Variants in ZFPM2 observed in about 807,000 individuals in gnomAD.
The protein encoded by ZFPM2 is zinc finger protein ZFPM2.
ZFPM2 carries 20 observed loss-of-function variants against 98.6 expected under a neutral mutation model. The observed-to-expected ratio is 0.20, with a 90% CI of 0.14 to 0.29. The LOEUF (loss-of-function observed/expected upper bound fraction) is 0.29. Among genes scored for constraint, ZFPM2 ranks in the 10% least tolerant of loss-of-function variants. ZFPM2 has a pLI of 1.00. For missense variants in ZFPM2, 1,310 were observed against 1,388.6 expected, an observed-to-expected ratio of 0.94 and a Z score of 0.90; for synonymous variants, 518 against 502.7, an observed-to-expected ratio of 1.03 and a Z score of -0.41.
chr8:105,458,163 A>G (rs1188439493), intron 3 of ZFPM2, among the ~76,000 whole-genome samples: 1 of 152,196 alleles, frequency 6.6e-6, no homozygotes, highest in Non-Finnish European at 1.5e-5. Context: ...TTTTGACAAA[A>G]TTCCCATAGG....
chr8:105,418,940 A>G (rs1811737683), intron 1 of ZFPM2: 2 of 609,092 alleles, frequency 3.3e-6, no homozygotes, highest in Non-Finnish European at 5.8e-6. Context: ...AACTTCTGAC[A>G]CTGGTTTCCT....
intron 1 of ZFPM2, among the ~76,000 whole-genome samples, chr8:105,331,100 T>A (rs2129635730): frequency 6.6e-6 from 1 of 150,794 alleles, no homozygotes; most frequent in Admixed American, 6.6e-5. Flanking sequence ...TTTTTTTGTT[T>A]GTTGTTTCTT....
intron 1 of ZFPM2, among the ~76,000 whole-genome samples, chr8:105,331,149 ATT>A (rs1812225379): frequency 7.3e-6 from 1 of 137,616 alleles, no homozygotes. Context: ...TATATATTAT[ATT>A]TTATATATAT....
chr8:105,648,589 C>T (rs368781685), intron 5 of ZFPM2, among the ~76,000 whole-genome samples: 1 of 152,056 alleles, frequency 6.6e-6, no homozygotes, highest in Non-Finnish European at 1.5e-5. Flanking sequence ...TTCAGCTTTC[C>T]ACATATGGCT....
chr8:105,692,645 T>G (rs1385282325), intron 5 of ZFPM2, among the ~76,000 whole-genome samples: 1 of 152,222 alleles, frequency 6.6e-6, no homozygotes, highest in Admixed American at 6.5e-5. Flanking sequence ...GAATTGGCAT[T>G]TGCCTTAGAA....
chr8:105,671,751 A>G (rs1294934327), intron 5 of ZFPM2, among the ~76,000 whole-genome samples: 1 of 152,068 alleles, frequency 6.6e-6, no homozygotes, highest in Non-Finnish European at 1.5e-5. Context: ...TTAGTTGCCA[A>G]GACTTTTGGG....
intron 1 of ZFPM2, among the ~76,000 whole-genome samples, chr8:105,389,541 C>T (rs1045158656): frequency 1.1e-4 from 17 of 152,138 alleles, no homozygotes; most frequent in African/African-American, 3.9e-4. Flanking sequence ...TTCAAAATAA[C>T]ATTCTACTAC....
At chr8:105,618,527 G>T (rs1272708820) in intron 4 of ZFPM2, among the ~76,000 whole-genome samples, 1 of 152,062 alleles carries the variant, frequency 6.6e-6, no homozygotes, top group African/African-American at 2.4e-5. Context: ...TTTCTAGCCA[G>T]CCAAAGTTCT....
chr8:105,596,003 G>GA (rs34732263), intron 4 of ZFPM2, among the ~76,000 whole-genome samples: 16,480 of 131,730 alleles, frequency 0.13, 973 homozygotes, highest in South Asian at 0.14. Context: ...CCTTTTATCT[G>GA]AAAAAAAAAA....
At chr8:105,483,009 T>G (rs1426659943) in intron 3 of ZFPM2, among the ~76,000 whole-genome samples, 1 of 125,994 alleles carries the variant, frequency 7.9e-6, no homozygotes, top group Non-Finnish European at 1.6e-5. Context: ...CTTCCTTCCT[T>G]CCTTCCTTCC....
At chr8:105,713,944 C>T (rs1307457407) in intron 5 of ZFPM2, among the ~76,000 whole-genome samples, 1 of 151,866 alleles carries the variant, frequency 6.6e-6, no homozygotes, top group East Asian at 1.9e-4. Context: ...ACTTGGGCTC[C>T]TTTTTGTTTC....
chr8:105,360,922 C>T (rs150957507), intron 1 of ZFPM2, among the ~76,000 whole-genome samples: 16,280 of 143,174 alleles, frequency 0.11, 987 homozygotes, highest in Non-Finnish European at 0.15. Context: ...TGAATAGTGC[C>T]GCAGTAAACA....
chr8:105,462,673 T>G (rs184811439), intron 3 of ZFPM2, among the ~76,000 whole-genome samples: 3 of 152,124 alleles, frequency 2.0e-5, no homozygotes, highest in Non-Finnish European at 4.4e-5. Context: ...TGCCTGACAC[T>G]AAGTGTTGTG....
intron 5 of ZFPM2, among the ~76,000 whole-genome samples, chr8:105,720,420 TATTA>T (rs1811632604): frequency 6.6e-6 from 1 of 151,918 alleles, no homozygotes; most frequent in Admixed American, 6.6e-5. Context: ...TTTCAGTCAT[TATTA>T]ATTCTTAGTG....
chr8:105,450,660 A>G (rs1002453358), intron 3 of ZFPM2, among the ~76,000 whole-genome samples: 1 of 151,938 alleles, frequency 6.6e-6, no homozygotes, highest in Non-Finnish European at 1.5e-5. Context: ...TTTTATCTCA[A>G]TGCTTTGTGT....
chr8:105,795,484 G>T (rs1813771241), intron 6 of ZFPM2, among the ~76,000 whole-genome samples: 1 of 151,252 alleles, frequency 6.6e-6, no homozygotes, highest in South Asian at 2.1e-4. Flanking sequence ...TTCTTTAAGG[G>T]CCGTAGACTT....
intron 2 of ZFPM2, among the ~76,000 whole-genome samples, chr8:105,426,196 A>G (rs896169765): frequency 7.2e-5 from 11 of 152,198 alleles, no homozygotes; most frequent in African/African-American, 2.4e-4. Context: ...CGGGATTAAG[A>G]AGCTCAGCTC....
At chr8:105,671,174 A>G (rs1431237336) in intron 5 of ZFPM2, among the ~76,000 whole-genome samples, 5 of 151,998 alleles carry the variant, frequency 3.3e-5, no homozygotes, top group Non-Finnish European at 7.4e-5. Context: ...ATATTTTGCC[A>G]TACAATATTG....
At chr8:105,727,971 A>T (rs80057605) in intron 5 of ZFPM2, among the ~76,000 whole-genome samples, 12,884 of 151,374 alleles carry the variant, frequency 0.085, 766 homozygotes, top group African/African-American at 0.16. Flanking sequence ...AAAAAAACAA[A>T]ATCAAACAGC....
Sources: allele counts gnomAD v4.1 joint callset (sites outside exome capture counted in the v4.1 genomes callset), GRCh38; gene constraint gnomAD v4.1.1; transcripts MANE v1.5; gene names NCBI Gene and HGNC (gene_info 2026-07-23, HGNC 2026-07-21).